The following PACSIN1 variants were observed in gnomAD, a reference collection of about 807,000 sequenced individuals.
The protein encoded by PACSIN1 is protein kinase C and casein kinase substrate in neurons 1.
In PACSIN1, 15 loss-of-function variants were observed where a neutral mutation model predicts 59.5. That is an observed-to-expected ratio of 0.25 (90% CI 0.17 to 0.39). The LOEUF (loss-of-function observed/expected upper bound fraction) is 0.39, where lower values mean the gene tolerates loss of function less well. PACSIN1 is among the 10% of genes least tolerant of loss of function. PACSIN1 has a pLI of 1.00. For missense variants in PACSIN1, 420 were observed against 580.2 expected, an observed-to-expected ratio of 0.72 and a Z score of 2.84; for synonymous variants, 210 against 220.6, an observed-to-expected ratio of 0.95 and a Z score of 0.42.
intron 1 of PACSIN1, among the ~76,000 whole-genome samples, chr6:34,481,595 G>A (rs921691034): frequency 2.6e-5 from 4 of 151,818 alleles, no homozygotes; most frequent in African/African-American, 7.3e-5. Context: ...GTGTGAACCC[G>A]GGAGGTGGAG....
At chr6:34,503,275 A>G (rs370553239) in intron 1 of PACSIN1, among the ~76,000 whole-genome samples, 16 of 148,324 alleles carry the variant, frequency 1.1e-4, no homozygotes, top group East Asian at 3.9e-4. Context: ...TCAAAAAAAA[A>G]AAAAAGAAAA....
At chr6:34,527,270 C>A (rs1347509579) in intron 2 of PACSIN1, 62 bp from the exon 3 acceptor site, 1 of 1,423,672 alleles carries the variant, frequency 7.0e-7, no homozygotes, top group Non-Finnish European at 9.3e-7. Flanking sequence ...GTGCTGGATG[C>A]GGCGGGCGGG....
rs558949212 is a variant in PACSIN1, at chr6:34,514,630, C to T, written c.-63-11613C>T. ...AGCAGGGCTTCCCAGTCGAGGGCGG[C>T]GGCCGAGCCTGTGTCCCCACCAGCG... On this transcript the variant is annotated intron_variant, in intron 1 of 9. Coordinates refer to ENST00000244458, the MANE Select transcript of PACSIN1 (RefSeq NM_020804.5). The surrounding 1 kb of genome is among the most constrained non-coding windows in gnomAD (Gnocchi z 4.4). Among the ~76,000 whole-genome samples the T allele has an allele frequency of 1.4e-4, 22 of 151,998 alleles. No individual in the cohort carries two copies. The highest frequency in any genetic ancestry group is 4.2e-4 in the South Asian group (2 of 4,782).
chr6:34,513,708 G>C (rs1767241297), intron 1 of PACSIN1, among the ~76,000 whole-genome samples: 3 of 152,066 alleles, frequency 2.0e-5, no homozygotes, highest in Admixed American at 2.0e-4. Flanking sequence ...GGGGGATCTA[G>C]TGTGGTTTTC....
intron 1 of PACSIN1, among the ~76,000 whole-genome samples, chr6:34,496,965 A>T (rs1766957135): frequency 1.1e-5 from 1 of 93,500 alleles, no homozygotes; most frequent in Admixed American, 1.5e-4. Context: ...TTTTTTTGAG[A>T]CAGAGTCTCA....
intron 1 of PACSIN1, among the ~76,000 whole-genome samples, chr6:34,475,263 C>T (rs1337182293): frequency 6.6e-6 from 1 of 152,102 alleles, no homozygotes; most frequent in African/African-American, 2.4e-5. Context: ...CCGCCTCCTC[C>T]TCTCACATTG....
intron 1 of PACSIN1, among the ~76,000 whole-genome samples, chr6:34,491,469 A>C (rs1411529226): frequency 6.6e-6 from 1 of 152,086 alleles, no homozygotes; most frequent in East Asian, 1.9e-4. Context: ...TCCTAGAATC[A>C]GTCCTGACAC....
At chr6:34,486,222 G>A (rs1042002120) in intron 1 of PACSIN1, among the ~76,000 whole-genome samples, 1 of 152,066 alleles carries the variant, frequency 6.6e-6, no homozygotes, top group Admixed American at 6.5e-5. Flanking sequence ...GGTGGGGTGA[G>A]GTGGGTTTGG....
Position 34,477,508 on chromosome 6 carries a change from G to T in PACSIN1, c.-64+11238G>T, listed in dbSNP as rs375513167. ...TTCCCTGCAACAGCTGGGGGACCAG[G>T]GGCACAGAAAGATGAGGGCCCCTGA... On this transcript the variant is annotated intron_variant, in intron 1 of 9. Coordinates refer to ENST00000244458, the MANE Select transcript of PACSIN1 (RefSeq NM_020804.5). Among the ~76,000 whole-genome samples the T allele has an allele frequency of 1.6e-4, 24 of 152,160 alleles. No individual in the cohort carries two copies. The East Asian group carries it at 4.3e-3, about 27-fold the overall frequency.
rs1382807698 is a variant in PACSIN1, at chr6:34,529,980, AAC to A, written c.788+143_788+144del. 9.6e-7 allele frequency: 1 copy of A among 1,046,756 alleles called. No homozygotes were observed. The highest frequency in any genetic ancestry group is 1.4e-6 in the Non-Finnish European group (1 of 724,166). 64.8% of individuals were successfully genotyped at this position (1,046,756 alleles called of 1,614,324 possible). ...AGGGGTCAAGAAGGATGAGGCTTCA[AAC>A]ACAGGGGCTGTTGAGTGCAAGCTGA... On this transcript the variant is annotated intron_variant, in intron 6 of 9. Transcript: ENST00000244458. The surrounding 1 kb of genome is among the most constrained non-coding windows in gnomAD (Gnocchi z 6.3).
At chr6:34,495,034 G>A (rs1766928149) in intron 1 of PACSIN1, among the ~76,000 whole-genome samples, 1 of 152,080 alleles carries the variant, frequency 6.6e-6, no homozygotes, top group African/African-American at 2.4e-5. Context: ...ACCTCTCTCA[G>A]AAGCACCTCT....
At position 34,507,361 on chromosome 6, in the gene PACSIN1, GT is replaced by G. The variant is rs1767131136; in HGVS notation, c.-63-18879del. 2.0e-5 allele frequency among the ~76,000 whole-genome samples: 3 copies of G among 152,172 alleles called. No individual in the cohort carries two copies. In the South Asian group the frequency reaches 6.2e-4, roughly 32 times the overall value. On this transcript the variant is annotated intron_variant, in intron 1 of 9. Transcript: ENST00000244458. ...TCTCTGCCTTTAAGAGTCTTCTTCTGTTTGTTTTATATATAGGGGTGGTTTT... is the reference window on the plus strand; with the variant it reads ...TCTCTGCCTTTAAGAGTCTTCTTCTGTTGTTTTATATATAGGGGTGGTTTT...
chr6:34,524,089 C>T (rs1767442945), intron 1 of PACSIN1, among the ~76,000 whole-genome samples: 1 of 152,182 alleles, frequency 6.6e-6, no homozygotes, highest in Admixed American at 6.5e-5. Context: ...CATGCTCCCT[C>T]ATCTGGAAGC....
At position 34,488,007 on chromosome 6, in the gene PACSIN1, G is replaced by A. The variant is rs1766821441; in HGVS notation, c.-64+21737G>A. On this transcript the variant is annotated intron_variant, in intron 1 of 9. Transcript: ENST00000244458. This position sits in a 1 kb window ranked among gnomAD's most constrained non-coding sequence, Gnocchi z 4.7. ...TTCCTGGGGAGGCTTATAAGGGGAA[G>A]GTCAGTGAGATAAGCCACAGTCCCG... Among the ~76,000 whole-genome samples, 1 of 152,182 alleles carries A rather than the reference G, an allele frequency of 6.6e-6. No homozygotes were observed. The highest frequency in any genetic ancestry group is 6.5e-5 in the Admixed American group (1 of 15,276).
chr6:34,519,336 C>T (rs572119943), intron 1 of PACSIN1, among the ~76,000 whole-genome samples: 20 of 152,284 alleles, frequency 1.3e-4, no homozygotes, highest in African/African-American at 4.3e-4. Context: ...CTCCTTCCTC[C>T]TCAACTTGGG....
chr6:34,497,416 C>T (rs907371409), intron 1 of PACSIN1, among the ~76,000 whole-genome samples: 15 of 152,150 alleles, frequency 9.9e-5, no homozygotes, highest in Non-Finnish European at 4.4e-5. Flanking sequence ...CTATCATCCG[C>T]GGTTAAAGAT....
chr6:34,496,480 C>T (rs982012220), intron 1 of PACSIN1, among the ~76,000 whole-genome samples: 4 of 152,216 alleles, frequency 2.6e-5, no homozygotes, highest in Admixed American at 6.5e-5. Context: ...TGCTCGGCCT[C>T]CTCCTGCTGG....
At chr6:34,528,898 C>CTCTGGGG in intron 4 of PACSIN1, 21 bp downstream of exon 4, 1 of 298,364 alleles carries the variant, frequency 3.4e-6, no homozygotes, top group Non-Finnish European at 6.2e-6. Context: ...GGTGCTGCCA[C>CTCTGGGG]GGGCGGGGTG....
chr6:34,527,684 TAAA>T (rs61312305), intron 3 of PACSIN1, 196 bp downstream of exon 3: 4 of 340,970 alleles, frequency 1.2e-5, no homozygotes, highest in African/African-American at 4.4e-5. Flanking sequence ...TAGGTTGAAT[TAAA>T]AAAAAAAAAA....
Sources: gnomAD v4.1 joint callset for allele counts (sites outside exome capture counted in the v4.1 genomes callset) on GRCh38, gnomAD v4.1.1 for gene constraint, Gnocchi (gnomAD v3.1) non-coding constraint, MANE v1.5 for transcripts, NCBI Gene and HGNC (gene_info 2026-07-23, HGNC 2026-07-21) for gene names.